The following TBC1D31 variants were observed in gnomAD, a reference collection of about 807,000 sequenced individuals.
The protein encoded by TBC1D31 is TBC1 domain family member 31.
A neutral mutation model predicts 132.9 loss-of-function variants in TBC1D31; 99 were observed. That is an observed-to-expected ratio of 0.74 (90% CI 0.63 to 0.88). TBC1D31 has a LOEUF of 0.88. Among genes scored for constraint, TBC1D31 ranks in the 40% least tolerant of loss-of-function variants. The pLI is 0.00. For missense variants in TBC1D31, 1,134 were observed against 1,256.6 expected (o/e 0.90, Z 1.48); for synonymous variants, 385 against 419.4 (o/e 0.92, Z 1.00).
chr8:123,160,244 C>T, the TBC1D31 span, among the ~76,000 whole-genome samples: 1 of 152,130 alleles, frequency 6.6e-6, no homozygotes, highest in African/African-American at 2.4e-5. Flanking sequence ...TTGTAGAATG[C>T]CCCTCAATTT....
At chr8:123,106,067 C>T (rs1817889728) in intron 8 of TBC1D31, among the ~76,000 whole-genome samples, 1 of 152,166 alleles carries the variant, frequency 6.6e-6, no homozygotes, top group African/African-American at 2.4e-5. Context: ...GTTCTAGTTG[C>T]TCCATATTCT....
intron 11 of TBC1D31, among the ~76,000 whole-genome samples, chr8:123,122,640 C>T (rs542748273): frequency 2.6e-5 from 4 of 152,060 alleles, no homozygotes; most frequent in Non-Finnish European, 4.4e-5. Context: ...ATTGTATAAC[C>T]CTGAATGGGA....
chr8:123,150,216 A>G, intron 21 of TBC1D31, 88 bp downstream of exon 21: 1 of 959,550 alleles, frequency 1.0e-6, no homozygotes, highest in Non-Finnish European at 1.6e-6. Context: ...TATTTATAGC[A>G]TGTGGACGCC....
Position 123,109,600 on chromosome 8 carries a change from G to A in TBC1D31, c.1416G>A (p.Lys472=). 1 of 1,613,434 alleles carries A rather than the reference G, an allele frequency of 6.2e-7. No individual in the cohort carries two copies. Among genetic ancestry groups the A allele is most frequent in the Non-Finnish European group, 8.5e-7 (1 of 1,179,776 alleles). The part of the protein sequence containing the change: ...LQKKYPIKSR[K]LLRVLQRTLS... ...AGAAATACCCCATCAAAAGTAGGAA[G>A]CTACTCAGAGTATTACAGAGGTATG... Residue 472 remains lysine, a synonymous_variant, in exon 10 of 22, where the codon AAG becomes AAA. Transcript: ENST00000287380.
At chr8:123,165,136 C>T in the TBC1D31 span, among the ~76,000 whole-genome samples, 1 of 152,190 alleles carries the variant, frequency 6.6e-6, no homozygotes, top group Non-Finnish European at 1.5e-5. Flanking sequence ...ACCTAGCCTC[C>T]AGCATTGTGC....
intron 7 of TBC1D31, chr8:123,102,349 G>GCCGTGGCA (rs766180355): frequency 0.2 from 81,428 of 417,276 alleles, 8,328 homozygotes; most frequent in African/African-American, 0.25. Flanking sequence ...TTGGAGTGGC[G>GCCGTGGCA]TTTGCCACCT....
At position 123,151,951 on chromosome 8, in the gene TBC1D31, C is replaced by T. The variant is rs200717377; in HGVS notation, c.*12C>T. On this transcript the variant is annotated 3_prime_UTR_variant, in exon 22 of 22. Transcript: ENST00000287380. ...TTTTGGCTGCATAGAATGCATGTCA[C>T]CTTGAGACGGTCGAGAGAGAGACCT... 1 of 1,492,480 alleles carries T rather than the reference C, an allele frequency of 6.7e-7. No homozygotes were observed. The highest frequency in any genetic ancestry group is 8.9e-7 in the Non-Finnish European group (1 of 1,120,776). 92.5% of individuals were successfully genotyped at this position (1,492,480 alleles called of 1,614,324 possible). A position where few individuals can be genotyped will look rare whatever the true frequency, so the allele number is the denominator to read the frequency against.
rs565701054 is a variant in TBC1D31, at chr8:123,147,739, A to C, written c.2975-2297A>C. Among the ~76,000 whole-genome samples the C allele has an allele frequency of 1.3e-3, 197 of 152,312 alleles. 2 individuals are homozygous for C. The highest frequency in any genetic ancestry group is 4.6e-3 in the African/African-American group (190 of 41,556). Reference sequence around the variant, plus strand: ...TTCAAAAGTCTTAAGTTTATGACTGAATGATGTGTCAGTCATGTTCTTAAT... The same window carrying C: ...TTCAAAAGTCTTAAGTTTATGACTGCATGATGTGTCAGTCATGTTCTTAAT... On this transcript the variant is annotated intron_variant, in intron 20 of 21. Coordinates refer to ENST00000287380, the MANE Select transcript of TBC1D31 (RefSeq NM_145647.4).
chr8:123,114,376 A>C (rs1452466558), intron 10 of TBC1D31, among the ~76,000 whole-genome samples: 1 of 152,142 alleles, frequency 6.6e-6, no homozygotes, highest in East Asian at 1.9e-4. Flanking sequence ...GCTGAAGTGC[A>C]GTGGTGCCAT....
intron 20 of TBC1D31, 77 bp from the exon 21 acceptor site, chr8:123,149,959 A>T (rs1822611975): frequency 9.9e-7 from 1 of 1,012,546 alleles, no homozygotes; most frequent in Non-Finnish European, 1.5e-6. Flanking sequence ...ATTGTAACTT[A>T]CTAGGGACCA....
chr8:123,085,447 T>G (rs1346690084), intron 4 of TBC1D31, among the ~76,000 whole-genome samples: 1 of 151,112 alleles, frequency 6.6e-6, no homozygotes, highest in African/African-American at 2.4e-5. Context: ...GTTTGTTTGT[T>G]TGTTTGAGAT....
rs145355289 is a variant in TBC1D31 at position 123,149,131 on chromosome 8, G to A, written c.2975-905G>A. On this transcript the variant is annotated intron_variant, in intron 20 of 21. Coordinates refer to ENST00000287380, the MANE Select transcript of TBC1D31 (RefSeq NM_145647.4). ...TTTCTTTTTCCGCTGAGTTCTGTCC[G>A]CAGAAACCGTTCTCTGGAACAGTGC... 4.2e-3 allele frequency among the ~76,000 whole-genome samples: 637 copies of A among 152,140 alleles called. 11 individuals carry two copies. Among genetic ancestry groups the A allele is most frequent in the African/African-American group, 0.014 (581 of 41,506 alleles).
chr8:123,138,559 A>G (rs1821317169), intron 17 of TBC1D31, among the ~76,000 whole-genome samples: 1 of 152,070 alleles, frequency 6.6e-6, no homozygotes, highest in African/African-American at 2.4e-5. Flanking sequence ...CCTTCTCCCA[A>G]CTACTGTACC....
chr8:123,151,919 C>G lies in TBC1D31; in HGVS notation c.3181C>G (p.Pro1061Ala), dbSNP rs776884949. Reference protein sequence around the residue: ...TARARHRCQTPHLLAA With the variant: ...TARARHRCQTAHLLAA ...CCGGGCTCGTCACAGATGTCAAACC[C>G]CTCATCTTTTGGCTGCATAGAATGC... Residue 1061 changes from proline (P) to alanine (A), a missense_variant, in exon 22 of 22, where the codon CCT becomes GCT. Physicochemically the swap from Pro to Ala is conservative, Grantham distance 27. Transcript: ENST00000287380. The G allele has an allele frequency of 4.5e-6, 7 of 1,553,686 alleles. No homozygotes were observed. Among genetic ancestry groups the G allele is most frequent in the Non-Finnish European group, 6.1e-6 (7 of 1,155,376 alleles).
Position 123,126,279 on chromosome 8 carries a change from A to G in TBC1D31, c.1704+90A>G, listed in dbSNP as rs1029383800. On this transcript the variant is annotated intron_variant, in intron 12 of 21. Coordinates refer to ENST00000287380, the MANE Select transcript of TBC1D31 (RefSeq NM_145647.4). ...AAACAGTCTTTTCTTGAAGGAGTAT[A>G]ATAAAAAGCATACTACATGTTGTAT... is the stretch of plus-strand genomic sequence containing the variant. The G allele has an allele frequency of 3.4e-5, 48 of 1,430,546 alleles. No homozygotes were observed. In the African/African-American group the frequency reaches 5.6e-4, roughly 17 times the overall value. 88.6% of individuals were successfully genotyped at this position (1,430,546 alleles called of 1,614,324 possible). A position where few individuals can be genotyped will look rare whatever the true frequency, so the allele number is the denominator to read the frequency against.
intron 6 of TBC1D31, among the ~76,000 whole-genome samples, chr8:123,099,695 A>G (rs1817192841): frequency 6.6e-6 from 1 of 152,172 alleles, no homozygotes; most frequent in Non-Finnish European, 1.5e-5. Flanking sequence ...TGTTTCTGAT[A>G]GCCAGTGTGG....
Position 123,077,234 on chromosome 8 carries a change from T to A in TBC1D31, c.201T>A (p.Tyr67Ter). 1 of 1,611,964 alleles carries A rather than the reference T, an allele frequency of 6.2e-7. No homozygotes were observed. Among genetic ancestry groups the A allele is most frequent in the South Asian group, 1.1e-5 (1 of 90,436 alleles). Reference protein sequence around the residue: ...LIAGDHQGNIYVFDLHGNRFN... With the variant: ...LIAGDHQGNI ...CTGGGGACCACCAAGGAAATATTTATGTTTTTGACTTACATGGAAACAGGT... is the reference window on the plus strand; with the variant it reads ...CTGGGGACCACCAAGGAAATATTTAAGTTTTTGACTTACATGGAAACAGGT... The change falls in exon 2 of 22, where the codon TAT (tyrosine) becomes TAA (stop). Residue 67 changes from tyrosine to a stop codon, truncating the protein, a stop_gained. Transcript: ENST00000287380. LOFTEE classifies it high-confidence loss of function.
rs549045381 is a variant in TBC1D31, at chr8:123,086,677, G to C, written c.519+2337G>C. Among the ~76,000 whole-genome samples, 3 of 151,100 alleles carry C rather than the reference G, an allele frequency of 2.0e-5. No individual in the cohort carries two copies. The East Asian group carries it at 5.9e-4, about 30-fold the overall frequency. On this transcript the variant is annotated intron_variant, in intron 4 of 21. Transcript: ENST00000287380. ...GTCATGCTACATTGTCCACATCACC[G>C]ATTCCCCCTCCCTCTCTCCCCTTCC...
chr8:123,120,162 G>T lies in TBC1D31; in HGVS notation c.1544G>T (p.Cys515Phe). ...TTATTCCAGAACAACCAACTCATCT[G>T]TTTTGAAGTTATTGCTACTCTCATA... ...VKLFQNNQLI[C>F]FEVIATLIIN... Residue 515 changes from cysteine (C) to phenylalanine (F), a missense_variant, in exon 11 of 22, where the codon TGT (cysteine) becomes TTT (phenylalanine). Coordinates refer to ENST00000287380, the MANE Select transcript of TBC1D31 (RefSeq NM_145647.4). 1 of 1,608,602 alleles carries T rather than the reference G, an allele frequency of 6.2e-7. No individual in the cohort carries two copies. Among genetic ancestry groups the T allele is most frequent in the Non-Finnish European group, 8.5e-7 (1 of 1,177,018 alleles).
Sources: gnomAD v4.1 joint callset for allele counts (sites outside exome capture counted in the v4.1 genomes callset) on GRCh38, gnomAD v4.1.1 for gene constraint, MANE v1.5 for transcripts, NCBI Gene and HGNC (gene_info 2026-07-23, HGNC 2026-07-21) for gene names.